TPP1: variants seen among roughly 807,000 people sequenced by gnomAD.
The protein encoded by TPP1 is tripeptidyl-peptidase 1.
Under a neutral mutation model 67.6 loss-of-function variants are expected in TPP1, and 43 were observed. The observed-to-expected ratio is 0.64, with a 90% CI of 0.50 to 0.82. TPP1 has a LOEUF of 0.82. TPP1 is among the 40% of genes least tolerant of loss of function. The pLI is 0.00. For synonymous variants in TPP1, 272 were observed against 281.5 expected (o/e 0.97, Z 0.34); for missense variants, 671 against 710.9 (o/e 0.94, Z 0.64).
chr11:6,619,336 G>C, intron 1 of TPP1, 48 bp downstream of exon 1: 1 of 1,614,092 alleles, frequency 6.2e-7, no homozygotes, highest in East Asian at 2.2e-5. Flanking sequence ...CCCAATGTGT[G>C]CTCCCTCCAA....
At chr11:6,618,274 G>T (rs1855616247) in intron 3 of TPP1, 1 of 327,844 alleles carries the variant, frequency 3.1e-6, no homozygotes. Flanking sequence ...GCTGTGAAGG[G>T]CTTTAACCAG....
Position 6,616,460 on chromosome 11 carries a change from C to T in TPP1, c.930G>A (p.Leu310=), listed in dbSNP as rs760531038. Reference sequence around the variant, plus strand: ...GTGGCAGGGCTGACTCATTACTGAGCAGCATGAGCCACTGCAGGAAGGGCT... The same window carrying T: ...GTGGCAGGGCTGACTCATTACTGAGTAGCATGAGCCACTGCAGGAAGGGCT... ...GQEPFLQWLM[L]LSNESALPHV... The change falls in exon 8 of 13, where the codon CTG becomes CTA. Residue 310 remains leucine, a synonymous_variant. Coordinates refer to ENST00000299427, the MANE Select transcript of TPP1 (RefSeq NM_000391.4). 3.7e-6 allele frequency: 6 copies of T among 1,611,078 alleles called. No homozygotes were observed. The highest frequency in any genetic ancestry group is 5.1e-6 in the Non-Finnish European group (6 of 1,179,864).
At chr11:6,616,144 G>A in intron 8 of TPP1, 70 bp from the exon 9 acceptor site, 1 of 1,602,796 alleles carries the variant, frequency 6.2e-7, no homozygotes, top group Non-Finnish European at 8.5e-7. Context: ...GATGTCAGAG[G>A]GGAAATTTGT....
In TPP1 at chr11:6,616,681, G is replaced by T. The variant is rs1426277822; in HGVS notation, c.866C>A (p.Thr289Asn). The T allele has an allele frequency of 1.9e-6, 3 of 1,613,954 alleles. No individual in the cohort carries two copies. The highest frequency in any genetic ancestry group is 2.5e-6 in the Non-Finnish European group (3 of 1,180,008). Reference sequence around the variant, plus strand: ...AGTACCAGGGCTACTGTAGACCCAGGTGGAGATGTTGGCACCAGCACTCAT... The same window carrying T: ...AGTACCAGGGCTACTGTAGACCCAGTTGGAGATGTTGGCACCAGCACTCAT... Reference protein sequence around the residue: ...YLMSAGANISTWVYSSPGRHE... With the variant: ...YLMSAGANISNWVYSSPGRHE... Residue 289 changes from threonine (T) to asparagine (N), a missense_variant, in exon 7 of 13, where the codon ACC becomes AAC. Coordinates refer to ENST00000299427, the MANE Select transcript of TPP1 (RefSeq NM_000391.4).
At chr11:6,614,747 T>C in intron 12 of TPP1, 61 bp from the exon 13 acceptor site, 1 of 1,613,850 alleles carries the variant, frequency 6.2e-7, no homozygotes, top group Non-Finnish European at 8.5e-7. Flanking sequence ...AGAGTATATC[T>C]CCTCACCCTG....
In TPP1 at chr11:6,616,955, G is replaced by A. The variant is rs569432039; in HGVS notation, c.687+20C>T. 7.4e-5 allele frequency: 119 copies of A among 1,614,098 alleles called. 1 individual carries two copies. The South Asian group carries it at 1.2e-3, about 16-fold the overall frequency. On this transcript the variant is annotated intron_variant, in intron 6 of 12. Transcript: ENST00000299427. ...CTGTGGGGAGGCTATGAGGACCCTG[G>A]GGCTCTTTGCTTGGCTCACCTGGGC...
At position 6,615,669 on chromosome 11, in the gene TPP1, G is replaced by C. The variant is rs1800745; in HGVS notation, c.1146-107C>G. 277,904 of 1,424,794 alleles carry C rather than the reference G, an allele frequency of 0.2. 28,774 individuals are homozygous for C. Among genetic ancestry groups the C allele is most frequent in the Non-Finnish European group, 0.21 (216,104 of 1,019,212 alleles). The allele number at this position is 1,424,794 out of a possible 1,614,324, so 88.3% of individuals were successfully genotyped here. A position where few individuals can be genotyped will look rare whatever the true frequency, so the allele number is the denominator to read the frequency against. ...GGTCTTGCTGGAGGAACTAGACTCTGTGGGGAAGCATGTATATGGGATTGA... is the reference window on the plus strand; with the variant it reads ...GGTCTTGCTGGAGGAACTAGACTCTCTGGGGAAGCATGTATATGGGATTGA... On this transcript the variant is annotated intron_variant, in intron 9 of 12. Coordinates refer to ENST00000299427, the MANE Select transcript of TPP1 (RefSeq NM_000391.4).
chr11:6,619,079 A>G (rs1855629972), intron 2 of TPP1, 117 bp downstream of exon 2: 1 of 1,472,518 alleles, frequency 6.8e-7, no homozygotes, highest in Non-Finnish European at 9.4e-7. Context: ...GAACATAGAG[A>G]TGAAGCTATG....
At position 6,614,924 on chromosome 11, in the gene TPP1, G is replaced by T; in HGVS notation, c.1493C>A (p.Pro498His). The change falls in exon 12 of 13, where the codon CCC becomes CAC. Residue 498 changes from proline to histidine, a missense_variant. Coordinates refer to ENST00000299427, the MANE Select transcript of TPP1 (RefSeq NM_000391.4). ...INEHRILSGRPPLGFLNPRLY... is the reference protein window; with the variant it reads ...INEHRILSGRHPLGFLNPRLY... Reference sequence around the variant, plus strand: ...CCTTGGGTTGAGAAAGCCAAGAGGGGGGCGGCCACTAAGGATCCTGTGCTC... The same window carrying T: ...CCTTGGGTTGAGAAAGCCAAGAGGGTGGCGGCCACTAAGGATCCTGTGCTC... The T allele has an allele frequency of 6.2e-7, 1 of 1,614,102 alleles. No homozygotes were observed. Among genetic ancestry groups the T allele is most frequent in the Non-Finnish European group, 8.5e-7 (1 of 1,180,028 alleles).
chr11:6,618,806 C>A lies in TPP1; in HGVS notation c.199G>T (p.Ala67Ser). ...NVERLSELVQ[A>S]VSDPSSPQYG... ...TGAGGAGAGCTGGGATCCGACACAG[C>A]CTGCACCAGCTCCGAGAGTCTTTCC... The change falls in exon 3 of 13, where the codon GCT becomes TCT. Residue 67 changes from alanine to serine, a missense_variant. By Grantham distance (99) the Ala-to-Ser change is moderately conservative. Transcript: ENST00000299427. 6.2e-7 allele frequency: 1 copy of A among 1,614,010 alleles called. No individual in the cohort carries two copies. The highest frequency in any genetic ancestry group is 1.1e-5 in the South Asian group (1 of 91,082).
At chr11:6,617,862 C>G in intron 3 of TPP1, 86 bp from the exon 4 acceptor site, 1 of 1,585,104 alleles carries the variant, frequency 6.3e-7, no homozygotes, top group Non-Finnish European at 8.6e-7. Context: ...GACATCAGGA[C>G]TTCCCAAAGC....
At position 6,615,001 on chromosome 11, in the gene TPP1, T is replaced by C. The variant is rs200965587; in HGVS notation, c.1426-10A>G. On this transcript the variant is annotated splice_polypyrimidine_tract_variant and intron_variant, in intron 11 of 12. Coordinates refer to ENST00000299427, the MANE Select transcript of TPP1 (RefSeq NM_000391.4). ...ACACTGGAGTAGAGGCCTACAAGAG[T>C]GAAGGTGCAAGTAGAGGTCAGGGGT... 1.8e-4 allele frequency: 285 copies of C among 1,613,534 alleles called. 1 individual carries two copies. The highest frequency in any genetic ancestry group is 2.2e-4 in the Non-Finnish European group (255 of 1,179,904).
chr11:6,615,408 C>G, intron 10 of TPP1, 34 bp downstream of exon 10: 2 of 1,614,214 alleles, frequency 1.2e-6, no homozygotes, highest in Non-Finnish European at 8.5e-7. Context: ...CATCCTCACT[C>G]TTACCCTGCA....
chr11:6,617,378 C>G lies in TPP1; in HGVS notation c.431G>C (p.Gly144Ala). ...PGAEFHHYVGGPTETHVVRSP... is the reference protein window; with the variant it reads ...PGAEFHHYVGAPTETHVVRSP... ...CCTTACAACATGGGTTTCCGTAGGT[C>G]CTCCCACATAGTGATGAAACTCAGC... Residue 144 changes from glycine (G) to alanine (A), a missense_variant, in exon 5 of 13, where the codon GGA (glycine) becomes GCA (alanine). Gly to Ala is a moderately conservative substitution (Grantham distance 60, BLOSUM62 0). Transcript: ENST00000299427. The G allele has an allele frequency of 7.4e-6, 12 of 1,614,132 alleles. No individual in the cohort carries two copies. Among genetic ancestry groups the G allele is most frequent in the Non-Finnish European group, 1.0e-5 (12 of 1,180,024 alleles).
Sources: gnomAD v4.1 joint callset for allele counts on GRCh38, gnomAD v4.1.1 for gene constraint, MANE v1.5 for transcripts, NCBI Gene and HGNC (gene_info 2026-07-23, HGNC 2026-07-21) for gene names.